ATP10D: variants seen among roughly 807,000 people sequenced by gnomAD.
ATP10D encodes the protein ATPase phospholipid transporting 10D (putative).
A neutral mutation model predicts 144.8 loss-of-function variants in ATP10D; 89 were observed. That is an observed-to-expected ratio of 0.61 (90% CI 0.52 to 0.73). The LOEUF is 0.73. ATP10D is among the 30% of genes least tolerant of loss of function. ATP10D has a pLI of 0.00. For missense variants in ATP10D, 1,603 were observed against 1,714.8 expected, an observed-to-expected ratio of 0.93 and a Z score of 1.15; for synonymous variants, 571 against 615.1, an observed-to-expected ratio of 0.93 and a Z score of 1.06.
At chr4:47,573,481 CAAG>C (rs1720072027) in intron 18 of ATP10D, among the ~76,000 whole-genome samples, 1 of 152,188 alleles carries the variant, frequency 6.6e-6, no homozygotes, top group African/African-American at 2.4e-5. Flanking sequence ...CTCACAGATG[CAAG>C]AATTCTCTAG....
At chr4:47,512,931 A>G (rs1452591317) in intron 2 of ATP10D, 101 bp downstream of exon 2, 6 of 1,125,086 alleles carry the variant, frequency 5.3e-6, no homozygotes, top group Admixed American at 5.6e-5. Context: ...AACCTAAGAC[A>G]TGTGACATCA....
chr4:47,557,900 T>C lies in ATP10D; in HGVS notation c.2061T>C (p.Ser687=). ...SQVCESPQCS[S]SSACCTETEK... Reference sequence around the variant, plus strand: ...TGTGTGAGAGCCCCCAGTGCTCCAGTAGCTCAGCTTGCTGCACAGAAACAG... The same window carrying C: ...TGTGTGAGAGCCCCCAGTGCTCCAGCAGCTCAGCTTGCTGCACAGAAACAG... The change falls in exon 12 of 23, where the codon AGT becomes AGC. Residue 687 remains serine (S), a synonymous_variant. Coordinates refer to ENST00000273859, the MANE Select transcript of ATP10D (RefSeq NM_020453.4). The C allele has an allele frequency of 1.2e-6, 2 of 1,614,192 alleles. No individual in the cohort carries two copies. Among genetic ancestry groups the C allele is most frequent in the Admixed American group, 1.7e-5 (1 of 60,030 alleles).
At chr4:47,556,307 C>T (rs1156450893) in intron 11 of ATP10D, among the ~76,000 whole-genome samples, 1 of 152,176 alleles carries the variant, frequency 6.6e-6, no homozygotes, top group African/African-American at 2.4e-5. Flanking sequence ...AAACAATTTC[C>T]TTCCAATTAA....
chr4:47,491,389 C>T (rs1715075182), intron 1 of ATP10D: 2 of 729,776 alleles, frequency 2.7e-6, no homozygotes, highest in South Asian at 1.4e-5. Context: ...GCCAAAGGAA[C>T]AACTCCATGT....
intron 1 of ATP10D, among the ~76,000 whole-genome samples, chr4:47,488,785 C>T (rs1250630475): frequency 6.6e-6 from 1 of 152,060 alleles, no homozygotes; most frequent in African/African-American, 2.4e-5. Context: ...GTAGGAGGTA[C>T]AGGCTTTGGA....
intron 1 of ATP10D, among the ~76,000 whole-genome samples, chr4:47,509,765 G>A (rs1434214808): frequency 2.6e-5 from 4 of 152,064 alleles, no homozygotes; most frequent in Non-Finnish European, 4.4e-5. Context: ...TTTCAGCTTT[G>A]TGTGAAGCCA....
intron 10 of ATP10D, among the ~76,000 whole-genome samples, chr4:47,551,336 C>T (rs1322423109): frequency 6.6e-6 from 1 of 152,180 alleles, no homozygotes; most frequent in Non-Finnish European, 1.5e-5. Flanking sequence ...ACTAGACTCT[C>T]ACCAGGAAAC....
chr4:47,514,137 A>G (rs1393203835), intron 2 of ATP10D, among the ~76,000 whole-genome samples: 4 of 152,254 alleles, frequency 2.6e-5, no homozygotes, highest in Non-Finnish European at 5.9e-5. Context: ...AATGCAAGTA[A>G]AGAGATTCTC....
At position 47,515,525 on chromosome 4, in the gene ATP10D, T is replaced by G. The variant is rs1433029470; in HGVS notation, c.340T>G (p.Leu114Val). The G allele has an allele frequency of 6.2e-7, 1 of 1,613,960 alleles. No homozygotes were observed. The highest frequency in any genetic ancestry group is 8.5e-7 in the Non-Finnish European group (1 of 1,179,938). Residue 114 changes from leucine (L) to valine (V), a missense_variant, in exon 3 of 23, where the codon TTG (leucine) becomes GTG (valine). Coordinates refer to ENST00000273859, the MANE Select transcript of ATP10D (RefSeq NM_020453.4). Reference sequence around the variant, plus strand: ...CCTAGTTGTCCTGAACTGGGTACCTTTGGTAGAAGCCTTCCAAAAGGAAAT... The same window carrying G: ...CCTAGTTGTCCTGAACTGGGTACCTGTGGTAGAAGCCTTCCAAAAGGAAAT... ...LFLVVLNWVP[L>V]VEAFQKEITM...
intron 3 of ATP10D, among the ~76,000 whole-genome samples, chr4:47,519,966 C>G (rs1478030009): frequency 6.6e-6 from 1 of 152,106 alleles, no homozygotes; most frequent in Non-Finnish European, 1.5e-5. Context: ...GGAAAATTAG[C>G]TAGTGTTTTG....
At chr4:47,551,305 A>G (rs1718723276) in intron 10 of ATP10D, among the ~76,000 whole-genome samples, 1 of 152,232 alleles carries the variant, frequency 6.6e-6, no homozygotes, top group Non-Finnish European at 1.5e-5. Flanking sequence ...GGCAGATACC[A>G]TGCAAGATTG....
rs375633326 is a variant in ATP10D, at chr4:47,509,333, A to T, written c.-37-3171A>T. On this transcript the variant is annotated intron_variant, in intron 1 of 22. Transcript: ENST00000273859. ...TTAGCTCTCTGTAGAACAAATACCT[A>T]TTTCTATAGGAAAAGCTTTCTGTGT... 5.3e-5 allele frequency among the ~76,000 whole-genome samples: 8 copies of T among 152,322 alleles called. No individual in the cohort carries two copies. The East Asian group carries it at 1.5e-3, about 29-fold the overall frequency.
intron 14 of ATP10D, 118 bp downstream of exon 14, chr4:47,561,193 C>T: frequency 7.7e-7 from 1 of 1,300,980 alleles, no homozygotes; most frequent in South Asian, 1.4e-5. Context: ...TCTGCCTACC[C>T]TGTCCAGTCT....
chr4:47,488,612 C>CAAAAAAAAAAAAAAAAAAAAAATAA (rs56859197), intron 1 of ATP10D, among the ~76,000 whole-genome samples: 2 of 91,318 alleles, frequency 2.2e-5, no homozygotes, highest in Admixed American at 1.2e-4. Context: ...ATATAATAAG[C>CAAAAAAAAAAAAAAAAAAAAAATAA]AAAAAAAAAA....
chr4:47,528,489 GTGTGTGTGTGTGTGTGTGTGTGTGTATA>G lies in ATP10D; in HGVS notation c.776+2849_776+2876del, dbSNP rs746119048. ...TGTGTGTGTGTGTGTGTGTGTGTGTGTGTGTGTGTGTGTGTGTGTGTGTGTATATATATATATATACACACCACATTGT... is the reference window on the plus strand; with the variant it reads ...TGTGTGTGTGTGTGTGTGTGTGTGTGTATATATATATACACACCACATTGT... On this transcript the variant is annotated intron_variant, in intron 5 of 22. Coordinates refer to ENST00000273859, the MANE Select transcript of ATP10D (RefSeq NM_020453.4). Among the ~76,000 whole-genome samples, 729 of 127,714 alleles carry G rather than the reference GTGTGTGTGTGTGTGTGTGTGTGTGTATA, an allele frequency of 5.7e-3. 3 individuals are homozygous for G. Among genetic ancestry groups the G allele is most frequent in the South Asian group, 8.1e-3 (31 of 3,818 alleles). 83.8% of individuals were successfully genotyped at this position (127,714 alleles called of 152,430 possible). A position where few individuals can be genotyped will look rare whatever the true frequency, so the allele number is the denominator to read the frequency against.
At chr4:47,515,241 G>A (rs1038153658) in intron 2 of ATP10D, among the ~76,000 whole-genome samples, 6 of 152,074 alleles carry the variant, frequency 3.9e-5, no homozygotes, top group African/African-American at 1.4e-4. Context: ...GATTATAGCC[G>A]TGAGCCACCA....
chr4:47,568,827 T>G lies in ATP10D; in HGVS notation c.2854-10T>G. On this transcript the variant is annotated splice_polypyrimidine_tract_variant and intron_variant, in intron 15 of 22. Coordinates refer to ENST00000273859, the MANE Select transcript of ATP10D (RefSeq NM_020453.4). ...CCTGGAGGCTAACCACCTTTGCCTC[T>G]TGTTTCAAGGATGCCTGTGGGATGC... The G allele has an allele frequency of 6.2e-7, 1 of 1,606,952 alleles. No individual in the cohort carries two copies. Among genetic ancestry groups the G allele is most frequent in the South Asian group, 1.1e-5 (1 of 90,546 alleles).
chr4:47,572,077 GC>G, intron 16 of ATP10D, 76 bp from the exon 17 acceptor site: 1 of 1,263,966 alleles, frequency 7.9e-7, no homozygotes, highest in Admixed American at 1.7e-5. Flanking sequence ...CACTTGAGCT[GC>G]CCCTATTGAT....
intron 3 of ATP10D, among the ~76,000 whole-genome samples, chr4:47,520,805 G>C (rs1319727350): frequency 6.6e-6 from 1 of 152,068 alleles, no homozygotes; most frequent in Non-Finnish European, 1.5e-5. Flanking sequence ...CTGACCCTGT[G>C]ATCCGCCCCC....
Sources: gnomAD v4.1 joint callset for allele counts (sites outside exome capture counted in the v4.1 genomes callset) on GRCh38, gnomAD v4.1.1 for gene constraint, MANE v1.5 for transcripts, NCBI Gene and HGNC (gene_info 2026-07-23, HGNC 2026-07-21) for gene names.